EDRF1: variants seen among roughly 807,000 people sequenced by gnomAD.
EDRF1 encodes erythroid differentiation-related factor 1.
EDRF1 carries 69 observed loss-of-function variants against 148.7 expected under a neutral mutation model. The observed-to-expected ratio is 0.46, with a 90% CI of 0.38 to 0.57. EDRF1 has a LOEUF of 0.57. EDRF1 is among the 20% of genes least tolerant of loss of function. The probability of loss-of-function intolerance (pLI) is 0.00; values close to 1 mark genes in which losing one functional copy is unlikely to be tolerated. For missense variants in EDRF1, 1,118 were observed against 1,478.7 expected, an observed-to-expected ratio of 0.76 and a Z score of 4.00; for synonymous variants, 515 against 532.8, an observed-to-expected ratio of 0.97 and a Z score of 0.46.
intron 18 of EDRF1, among the ~76,000 whole-genome samples, chr10:125,744,110 A>C (rs1410570179): frequency 6.6e-6 from 1 of 152,206 alleles, no homozygotes; most frequent in Non-Finnish European, 1.5e-5. Flanking sequence ...AGAATAGATA[A>C]GAATGTAAAG....
intron 18 of EDRF1, 39 bp downstream of exon 18, chr10:125,743,315 C>T (rs765131523): frequency 3.2e-6 from 5 of 1,558,218 alleles, no homozygotes; most frequent in African/African-American, 1.4e-5. Context: ...TGCTTGTTCT[C>T]TCAGAAAATT....
At chr10:125,738,086 T>C (rs1848827583) in intron 14 of EDRF1, 97 bp downstream of exon 14, 1 of 1,397,004 alleles carries the variant, frequency 7.2e-7, no homozygotes, top group Non-Finnish European at 1.0e-6. Flanking sequence ...TTCTGAATTG[T>C]GTTCTGCTGC....
chr10:125,739,434 T>C (rs1848901385), intron 15 of EDRF1, among the ~76,000 whole-genome samples: 1 of 152,216 alleles, frequency 6.6e-6, no homozygotes. Flanking sequence ...TCCATCAGAA[T>C]TACTTGATTC....
In EDRF1 at chr10:125,740,584, T is replaced by C. The variant is rs1848968669; in HGVS notation, c.2103T>C (p.Asp701=). Residue 701 remains aspartate, a synonymous_variant, in exon 16 of 25, where the codon GAT becomes GAC. Transcript: ENST00000356792. ...KSSKAYYVLS[D]AAMSLQKYGR... is the part of the protein sequence containing the mutation. ...CAAAGGCCTATTATGTTTTGTCCGA[T>C]GCTGCCATGAGTCTTCAGAAATACG... 1.9e-6 allele frequency: 3 copies of C among 1,614,146 alleles called. No individual in the cohort carries two copies. Among genetic ancestry groups the C allele is most frequent in the Non-Finnish European group, 1.7e-6 (2 of 1,180,026 alleles).
chr10:125,720,121 C>T (rs1363246571), intron 1 of EDRF1, among the ~76,000 whole-genome samples: 1 of 152,198 alleles, frequency 6.6e-6, no homozygotes. Context: ...GAATTAGATA[C>T]GATCTTTCCT....
intron 13 of EDRF1, 36 bp downstream of exon 13, chr10:125,735,940 G>A (rs555147955): frequency 3.0e-5 from 46 of 1,547,638 alleles, no homozygotes; most frequent in Non-Finnish European, 3.4e-5. Context: ...TTTTTATCAA[G>A]GAAACATAAT....
At chr10:125,722,626 TA>T (rs1289066788) in intron 2 of EDRF1, among the ~76,000 whole-genome samples, 1 of 152,198 alleles carries the variant, frequency 6.6e-6, no homozygotes, top group Non-Finnish European at 1.5e-5. Flanking sequence ...TGTATTTTTT[TA>T]AGAGGTATTG....
Position 125,747,974 on chromosome 10 carries a change from A to C in EDRF1, c.3085A>C (p.Arg1029=), listed in dbSNP as rs1326155012. The change falls in exon 21 of 25, where the codon AGG becomes CGG. Residue 1029 remains arginine (R), a synonymous_variant. Coordinates refer to ENST00000356792, the MANE Select transcript of EDRF1 (RefSeq NM_001202438.2). ...GTATCGAGCTGCAACCATCCATCAC[A>C]GGCTGGCCTCCATGTACCACAGCTG... ...CQYRAATIHH[R]LASMYHSCLR... 6.2e-7 allele frequency: 1 copy of C among 1,614,234 alleles called. No individual in the cohort carries two copies. Among genetic ancestry groups the C allele is most frequent in the Admixed American group, 1.7e-5 (1 of 60,030 alleles).
chr10:125,750,955 T>A (rs562758325), intron 22 of EDRF1, among the ~76,000 whole-genome samples: 95 of 152,044 alleles, frequency 6.2e-4, no homozygotes, highest in African/African-American at 2.1e-3. Flanking sequence ...TTGTTTTTTG[T>A]TTTGTTTTGT....
At chr10:125,729,591 C>T in intron 8 of EDRF1, 112 bp downstream of exon 8, 1 of 1,357,598 alleles carries the variant, frequency 7.4e-7, no homozygotes. Context: ...TACCGCACTC[C>T]AGCCTAGGCG....
In EDRF1 at chr10:125,763,498, G is replaced by A. The variant is rs767266775; in HGVS notation, c.*26G>A. Reference sequence around the variant, plus strand: ...CTGCACAGAGCCGTGTCCCAGACACGCTGTCAGTGCCTTCAACACGGAGCC... The same window carrying A: ...CTGCACAGAGCCGTGTCCCAGACACACTGTCAGTGCCTTCAACACGGAGCC... On this transcript the variant is annotated 3_prime_UTR_variant, in exon 25 of 25. Coordinates refer to ENST00000356792, the MANE Select transcript of EDRF1 (RefSeq NM_001202438.2). This position sits in a 1 kb window ranked among gnomAD's most constrained non-coding sequence, Gnocchi z 4.3. 11 of 1,600,582 alleles carry A rather than the reference G, an allele frequency of 6.9e-6. No individual in the cohort carries two copies. The highest frequency in any genetic ancestry group is 4.5e-5 in the East Asian group (2 of 44,770).
At chr10:125,743,744 T>TAG (rs1849160841) in intron 18 of EDRF1, among the ~76,000 whole-genome samples, 1 of 152,104 alleles carries the variant, frequency 6.6e-6, no homozygotes, top group Non-Finnish European at 1.5e-5. Context: ...GCAGGATGTG[T>TAG]AGAGCATCAG....
intron 19 of EDRF1, among the ~76,000 whole-genome samples, 167 bp downstream of exon 19, chr10:125,746,097 A>C (rs1412736693): frequency 6.6e-6 from 1 of 152,256 alleles, no homozygotes; most frequent in Non-Finnish European, 1.5e-5. Flanking sequence ...AAGACTAGTA[A>C]GAATTGAGTA....
At chr10:125,755,351 T>C (rs1849853119) in intron 24 of EDRF1, among the ~76,000 whole-genome samples, 1 of 152,170 alleles carries the variant, frequency 6.6e-6, no homozygotes, top group Admixed American at 6.5e-5. Flanking sequence ...TAAATCCCAG[T>C]TTGTTGTGAT....
At chr10:125,720,184 A>C (rs899040247) in intron 1 of EDRF1, among the ~76,000 whole-genome samples, 13 of 152,240 alleles carry the variant, frequency 8.5e-5, no homozygotes, top group Non-Finnish European at 1.5e-5. Flanking sequence ...ACAGTCGTGC[A>C]AAGCAGGAGG....
At chr10:125,721,509 C>T (rs898704401) in intron 2 of EDRF1, 97 bp downstream of exon 2, 1 of 1,118,692 alleles carries the variant, frequency 8.9e-7, no homozygotes, top group East Asian at 2.5e-5. Context: ...ATTAACTTGT[C>T]GAGATTTCTC....
rs1847993979 is a variant in EDRF1, at chr10:125,721,383, C to T, written c.288C>T (p.Gly96=). 1 of 1,614,048 alleles carries T rather than the reference C, an allele frequency of 6.2e-7. No individual in the cohort carries two copies. Among genetic ancestry groups the T allele is most frequent in the African/African-American group, 1.3e-5 (1 of 74,930 alleles). ...KLGPAGTTIL[G]NSKKSKPFSS... ...GGCCAGCAGGAACTACCATTCTTGG[C>T]AACAGCAAGAAAAGCAAGCCATTTT... Residue 96 remains glycine, a synonymous_variant, in exon 2 of 25, where the codon GGC becomes GGT. Coordinates refer to ENST00000356792, the MANE Select transcript of EDRF1 (RefSeq NM_001202438.2).
chr10:125,759,476 CT>C (rs998007940), intron 24 of EDRF1, among the ~76,000 whole-genome samples: 1 of 152,012 alleles, frequency 6.6e-6, no homozygotes, highest in Non-Finnish European at 1.5e-5. Context: ...CAATAATTGC[CT>C]TTGAACTAAG....
In EDRF1 at chr10:125,723,073, G is replaced by A; in HGVS notation, c.323G>A (p.Gly108Asp). 1 of 1,613,540 alleles carries A rather than the reference G, an allele frequency of 6.2e-7. No individual in the cohort carries two copies. The highest frequency in any genetic ancestry group is 8.5e-7 in the Non-Finnish European group (1 of 1,179,620). ...SKKSKPFSSF[G>D]MAYDFIDSVG... is the part of the protein sequence containing the mutation. ...TCCTTTTTTCTCTTTGGTAGCTTTG[G>A]CATGGCATATGACTTTATTGATTCA... The change falls in exon 3 of 25, where the codon GGC (glycine) becomes GAC (aspartate). Residue 108 changes from glycine to aspartate, a missense_variant. By Grantham distance (94) the Gly-to-Asp change is moderately conservative. Coordinates refer to ENST00000356792, the MANE Select transcript of EDRF1 (RefSeq NM_001202438.2).
Sources: allele counts gnomAD v4.1 joint callset (sites outside exome capture counted in the v4.1 genomes callset), GRCh38; gene constraint gnomAD v4.1.1; non-coding constraint Gnocchi (gnomAD v3.1); transcripts MANE v1.5; gene names NCBI Gene and HGNC (gene_info 2026-07-23, HGNC 2026-07-21).